Variants in UBE2L3 observed in about 807,000 individuals in gnomAD.
UBE2L3 encodes ubiquitin conjugating enzyme E2 L3, also known as ubiquitin-conjugating enzyme E2 L3.
UBE2L3 carries 1 observed loss-of-function variant against 17.8 expected under a neutral mutation model. The ratio of observed to expected loss-of-function variants is 0.06; its 90% confidence interval spans 0.02 to 0.27. The LOEUF (loss-of-function observed/expected upper bound fraction) is 0.27. Among genes scored for constraint, UBE2L3 ranks in the 10% least tolerant of loss-of-function variants. The pLI is 1.00. For synonymous variants in UBE2L3, 44 were observed against 68.5 expected, an observed-to-expected ratio of 0.64 and a Z score of 1.76; for missense variants, 40 against 192.6, an observed-to-expected ratio of 0.21 and a Z score of 4.69.
intron 1 of UBE2L3, among the ~76,000 whole-genome samples, chr22:21,579,147 C>T (rs544815463): frequency 7.9e-5 from 12 of 151,990 alleles, no homozygotes; most frequent in Admixed American, 3.9e-4. Flanking sequence ...CCCGCCACCA[C>T]GCCTGGCTAA....
chr22:21,578,221 G>T (rs538430861), intron 1 of UBE2L3, among the ~76,000 whole-genome samples: 3 of 151,888 alleles, frequency 2.0e-5, no homozygotes, highest in Non-Finnish European at 2.9e-5. Flanking sequence ...TTAGCCGGGC[G>T]TGGTGGTGGG....
Position 21,599,706 on chromosome 22 carries a change from A to G in UBE2L3, c.123+6750A>G, listed in dbSNP as rs556200059. 3.3e-5 allele frequency among the ~76,000 whole-genome samples: 5 copies of G among 152,322 alleles called. No homozygotes were observed. The South Asian group carries it at 8.3e-4, about 25-fold the overall frequency. On this transcript the variant is annotated intron_variant, in intron 2 of 3. Transcript: ENST00000342192. ...AGAAATTAAGGCCTTTGAGAGCACC[A>G]TGTATGCACAGAGAACGTTCTTGGG...
At chr22:21,609,871 C>T (rs1488377640) in intron 2 of UBE2L3, among the ~76,000 whole-genome samples, 2 of 151,850 alleles carry the variant, frequency 1.3e-5, no homozygotes. Flanking sequence ...ACTAAAGATA[C>T]AAAAATTAGC....
chr22:21,567,552 C>T (rs968303169), upstream of UBE2L3: 46 of 1,283,028 alleles, frequency 3.6e-5, no homozygotes, highest in Non-Finnish European at 5.3e-6. Flanking sequence ...TCCGTAAACG[C>T]TGAGGCCCAG....
chr22:21,558,909 A>G (rs1355274017), intron 1 of UBE2L3, among the ~76,000 whole-genome samples: 1 of 151,976 alleles, frequency 6.6e-6, no homozygotes, highest in East Asian at 1.9e-4. Flanking sequence ...AAGAAGACAG[A>G]GGCAGACAGG....
chr22:21,564,997 C>A (rs1926577189), upstream of UBE2L3, among the ~76,000 whole-genome samples: 1 of 152,122 alleles, frequency 6.6e-6, no homozygotes, highest in Non-Finnish European at 1.5e-5. Context: ...TCGCTGATCA[C>A]ATGAGGCTTG....
chr22:21,596,420 G>T (rs1928526968), intron 2 of UBE2L3, among the ~76,000 whole-genome samples: 1 of 152,000 alleles, frequency 6.6e-6, no homozygotes, highest in Non-Finnish European at 1.5e-5. Flanking sequence ...ACCCAGGCTG[G>T]AGTGCAATGG....
chr22:21,576,999 C>T (rs1342347812), intron 1 of UBE2L3, among the ~76,000 whole-genome samples: 4 of 145,022 alleles, frequency 2.8e-5, no homozygotes, highest in Admixed American at 1.4e-4. Context: ...GATGGAGTCT[C>T]GCTGTGTTGC....
intron 1 of UBE2L3, among the ~76,000 whole-genome samples, chr22:21,586,946 T>C (rs977907535): frequency 6.7e-6 from 1 of 149,118 alleles, no homozygotes; most frequent in South Asian, 2.1e-4. Flanking sequence ...AGTACAATGG[T>C]GTGATCTTGG....
At chr22:21,559,867 G>A (rs1295406467) in intron 1 of UBE2L3, among the ~76,000 whole-genome samples, 1 of 152,302 alleles carries the variant, frequency 6.6e-6, no homozygotes, top group East Asian at 1.9e-4. Flanking sequence ...TTCCAGTGGA[G>A]TTCCTTTCAT....
intron 1 of UBE2L3, among the ~76,000 whole-genome samples, chr22:21,587,010 C>T (rs957771451): frequency 3.3e-5 from 5 of 151,554 alleles, no homozygotes; most frequent in African/African-American, 4.9e-5. Flanking sequence ...CTCAGCCTCC[C>T]GAGTAGCTGG....
intron 1 of UBE2L3, among the ~76,000 whole-genome samples, chr22:21,590,236 C>T (rs769738210): frequency 8.5e-5 from 13 of 152,048 alleles, no homozygotes; most frequent in East Asian, 3.8e-4. Flanking sequence ...TCGCTCTTTT[C>T]GCCCAAGCTG....
intron 1 of UBE2L3, among the ~76,000 whole-genome samples, chr22:21,586,216 C>T (rs951972274): frequency 3.3e-5 from 5 of 152,042 alleles, no homozygotes; most frequent in African/African-American, 9.7e-5. Flanking sequence ...GTTGGGATTA[C>T]GGGTGTGAGC....
intron 1 of UBE2L3, among the ~76,000 whole-genome samples, chr22:21,561,542 A>G (rs1333918067): frequency 1.3e-5 from 2 of 152,264 alleles, no homozygotes; most frequent in Admixed American, 6.5e-5. Context: ...TGATCACACC[A>G]CTATACTCCA....
At chr22:21,607,541 T>C (rs919278870) in intron 2 of UBE2L3, among the ~76,000 whole-genome samples, 3 of 146,734 alleles carry the variant, frequency 2.0e-5, no homozygotes, top group Non-Finnish European at 4.5e-5. Context: ...AAAAAAAGAT[T>C]GTTCTTGGGC....
intron 3 of UBE2L3, among the ~76,000 whole-genome samples, chr22:21,612,604 C>T (rs1243974637): frequency 6.9e-6 from 1 of 144,506 alleles, no homozygotes; most frequent in African/African-American, 2.6e-5. Flanking sequence ...GGATTACAGG[C>T]GTAAGCCACC....
chr22:21,604,846 GA>G (rs1348851236), intron 2 of UBE2L3, among the ~76,000 whole-genome samples: 1 of 152,240 alleles, frequency 6.6e-6, no homozygotes, highest in African/African-American at 2.4e-5. Flanking sequence ...CCCAGACTAG[GA>G]AAGAGGCCCA....
intron 1 of UBE2L3, among the ~76,000 whole-genome samples, chr22:21,572,953 G>GT (rs1352890255): frequency 6.6e-6 from 1 of 152,078 alleles, no homozygotes; most frequent in African/African-American, 2.4e-5. Flanking sequence ...TATGCCTTCA[G>GT]TCTCTCTTCT....
At chr22:21,614,008 G>A (rs1051903537) in intron 3 of UBE2L3, among the ~76,000 whole-genome samples, 1 of 152,202 alleles carries the variant, frequency 6.6e-6, no homozygotes, top group African/African-American at 2.4e-5. Flanking sequence ...AGCTCTTGAT[G>A]GGAGGAGTAT....
Sources: allele counts gnomAD v4.1 joint callset (sites outside exome capture counted in the v4.1 genomes callset), GRCh38; gene constraint gnomAD v4.1.1; transcripts MANE v1.5; gene names NCBI Gene and HGNC (gene_info 2026-07-23, HGNC 2026-07-21).